The following IQSEC1 variants were observed in gnomAD, a reference collection of about 807,000 sequenced individuals.
IQSEC1 encodes the protein IQ motif and Sec7 domain ArfGEF 1.
IQSEC1 carries 31 observed loss-of-function variants against 91.0 expected under a neutral mutation model. That is an observed-to-expected ratio of 0.34 (90% CI 0.26 to 0.46). IQSEC1 has a LOEUF of 0.46. IQSEC1 is among the 20% of genes least tolerant of loss of function. The pLI is 1.00. For synonymous variants in IQSEC1, 699 were observed against 662.6 expected (o/e 1.05, Z -0.84); for missense variants, 1,388 against 1,575.6 (o/e 0.88, Z 2.02).
At position 12,900,734 on chromosome 3, in the gene IQSEC1, T is replaced by C. The variant is rs1694168453; in HGVS notation, c.*249A>G. On this transcript the variant is annotated 3_prime_UTR_variant, in exon 14 of 14. Transcript: ENST00000613206. ...GCTCACCGTTTCAAGGCTGATGGTG[T>C]CTGAGGCCCACCCATCCCTCAGACT... 5.7e-6 allele frequency: 8 copies of C among 1,413,000 alleles called. No individual in the cohort carries two copies. In the South Asian group the frequency reaches 7.5e-5, roughly 13 times the overall value. 87.5% of individuals were successfully genotyped at this position (1,413,000 alleles called of 1,614,324 possible). A position where few individuals can be genotyped will look rare whatever the true frequency, so the allele number is the denominator to read the frequency against.
At position 12,967,307 on chromosome 3, in the gene IQSEC1, C is replaced by A; in HGVS notation, c.24-25442G>T. The A allele has an allele frequency of 7.7e-7, 1 of 1,297,166 alleles. No homozygotes were observed. The highest frequency in any genetic ancestry group is 1.3e-5 in the South Asian group (1 of 75,528). 80.4% of individuals were successfully genotyped at this position (1,297,166 alleles called of 1,614,324 possible). A position where few individuals can be genotyped will look rare whatever the true frequency, so the allele number is the denominator to read the frequency against. On this transcript the variant is annotated intron_variant, in intron 1 of 13. Transcript: ENST00000613206. This position sits in a 1 kb window ranked among gnomAD's most constrained non-coding sequence, Gnocchi z 5.9. ...CCGGTCCCGACGGTCACCCGCACTC[C>A]CGCACAGGCATCCCCACAGCCTGCG... is the stretch of plus-strand genomic sequence containing the variant.
intron 1 of IQSEC1, among the ~76,000 whole-genome samples, chr3:13,054,791 G>A (rs1704816334): frequency 6.6e-6 from 1 of 152,218 alleles, no homozygotes; most frequent in African/African-American, 2.4e-5. Context: ...GTGTCACACG[G>A]TGGGACCCCA....
At chr3:13,166,863 G>C (rs887150078) in intron 1 of IQSEC1, among the ~76,000 whole-genome samples, 1 of 152,236 alleles carries the variant, frequency 6.6e-6, no homozygotes, top group Non-Finnish European at 1.5e-5. Context: ...GCAACACACA[G>C]TGGAGTCATC....
chr3:13,160,466 G>A (rs116317613), intron 2 of IQSEC1, among the ~76,000 whole-genome samples: 2 of 152,164 alleles, frequency 1.3e-5, no homozygotes, highest in African/African-American at 4.8e-5. Flanking sequence ...CTGCCCCTGT[G>A]TGTCCTTAAT....
chr3:12,955,293 C>G (rs1305681028), intron 1 of IQSEC1, among the ~76,000 whole-genome samples: 1 of 152,258 alleles, frequency 6.6e-6, no homozygotes, highest in Non-Finnish European at 1.5e-5. Flanking sequence ...TGCTTCAGCC[C>G]TGTGCCTACC....
intron 1 of IQSEC1, among the ~76,000 whole-genome samples, chr3:12,981,414 C>T (rs1559696221): frequency 6.6e-6 from 1 of 152,048 alleles, no homozygotes; most frequent in African/African-American, 2.4e-5. Flanking sequence ...ATATGTGAAA[C>T]TCTGGAATCG....
rs1472353017 is a variant in IQSEC1, at chr3:13,259,013, GCCCCTACCCTCTTT to G, written c.272+23684_272+23697del. Among the ~76,000 whole-genome samples the G allele has an allele frequency of 2.0e-5, 3 of 151,848 alleles. No individual in the cohort carries two copies. The highest frequency in any genetic ancestry group is 4.4e-5 in the Non-Finnish European group (3 of 67,976). On this transcript the variant is annotated intron_variant, in intron 1 of 15. Transcript: ENST00000648114. The surrounding 1 kb of genome is among the most constrained non-coding windows in gnomAD (Gnocchi z 4.6). ...CATCTTTCCCCTGGGCCTCAGCACA[GCCCCTACCCTCTTT>G]CCCTATAGTCTATCTCACACCATGG... is the stretch of plus-strand genomic sequence containing the variant.
intron 10 of IQSEC1, 76 bp downstream of exon 10, chr3:12,911,553 G>A: frequency 8.7e-7 from 1 of 1,153,324 alleles, no homozygotes; most frequent in South Asian, 1.2e-5. Flanking sequence ...CCGCGGTTCT[G>A]TCCTCGAAGC....
intron 1 of IQSEC1, among the ~76,000 whole-genome samples, chr3:12,952,096 A>C (rs561691041): frequency 2.0e-5 from 3 of 152,306 alleles, no homozygotes; most frequent in South Asian, 4.1e-4. Flanking sequence ...TCACCCCTAC[A>C]GGGCGTGGCG....
At position 13,155,740 on chromosome 3, in the gene IQSEC1, C is replaced by T. The variant is rs564488396; in HGVS notation, c.302+8364G>A. On this transcript the variant is annotated intron_variant, in intron 2 of 15. Coordinates refer to the IQSEC1 transcript ENST00000648114. ...CTCAGCAAATATCAGCAACAAAATT[C>T]AGTAGCCCAATAAAAGAATTCTGCA... Among the ~76,000 whole-genome samples the T allele has an allele frequency of 2.6e-5, 4 of 152,202 alleles. No homozygotes were observed. In the South Asian group the frequency reaches 8.3e-4, roughly 32 times the overall value.
Position 13,161,411 on chromosome 3 carries a change from G to C in IQSEC1, c.302+2693C>G, listed in dbSNP as rs72658712. ...ACTGCAGTCAGGATCCCAGGTTTGG[G>C]GACGCAGACCCCGCACGGACACTGC... On this transcript the variant is annotated intron_variant, in intron 2 of 15. Coordinates refer to the IQSEC1 transcript ENST00000648114. Among the ~76,000 whole-genome samples the C allele has an allele frequency of 4.9e-3, 742 of 152,314 alleles. 6 individuals are homozygous for C. The highest frequency in any genetic ancestry group is 0.017 in the African/African-American group (689 of 41,564).
At chr3:12,902,724 G>A in intron 13 of IQSEC1, 49 bp downstream of exon 13, 1 of 1,210,392 alleles carries the variant, frequency 8.3e-7, no homozygotes. Context: ...CTGAGGACTG[G>A]GGAAGGCGAC....
intron 1 of IQSEC1, chr3:12,986,873 C>T (rs1038900915): frequency 2.9e-5 from 8 of 279,556 alleles, no homozygotes; most frequent in Non-Finnish European, 5.2e-5. Flanking sequence ...ATCTCAGCTG[C>T]CCCAACAGAC....
chr3:13,054,038 C>T (rs1382093008), intron 1 of IQSEC1, among the ~76,000 whole-genome samples: 1 of 152,196 alleles, frequency 6.6e-6, no homozygotes, highest in Admixed American at 6.5e-5. Context: ...CACCGTCTCT[C>T]GAGTGTGTTT....
intron 2 of IQSEC1, among the ~76,000 whole-genome samples, chr3:13,081,445 C>G (rs551058573): frequency 3.9e-5 from 6 of 152,022 alleles, no homozygotes; most frequent in East Asian, 1.9e-4. Context: ...ATTTTTAAAT[C>G]GTTTATAGAG....
chr3:13,257,208 G>A lies in IQSEC1; in HGVS notation c.272+25503C>T, dbSNP rs1695303758. On this transcript the variant is annotated intron_variant, in intron 1 of 15. Coordinates refer to the IQSEC1 transcript ENST00000648114. Reference sequence around the variant, plus strand: ...CAGAGACACACCTCACAGCTCAGGGGCCTCAGGACGAACGTTTCCAAGTGG... The same window carrying A: ...CAGAGACACACCTCACAGCTCAGGGACCTCAGGACGAACGTTTCCAAGTGG... 2.6e-5 allele frequency among the ~76,000 whole-genome samples: 4 copies of A among 152,266 alleles called. No individual in the cohort carries two copies. In the South Asian group the frequency reaches 8.3e-4, roughly 32 times the overall value.
intron 13 of IQSEC1, 94 bp downstream of exon 13, chr3:12,902,679 A>AC: frequency 3.4e-5 from 21 of 616,668 alleles, no homozygotes; most frequent in Non-Finnish European, 5.4e-5. Context: ...CCAAAAAAAA[A>AC]AAAAAAAAAA....
rs79729288 is a variant in IQSEC1, at chr3:12,914,848, G to C, written c.2190+256C>G. Among the ~76,000 whole-genome samples the C allele has an allele frequency of 9.5e-3, 1,453 of 152,156 alleles. 29 individuals are homozygous for C. The highest frequency in any genetic ancestry group is 0.033 in the African/African-American group (1,367 of 41,482). On this transcript the variant is annotated intron_variant, in intron 8 of 13. Transcript: ENST00000613206. ...AGAGGACACACCGGGGTCTGTTTCA[G>C]GCGCAGGGTCTGGGGGCTGGGCTCA...
chr3:13,123,477 A>C (rs1020196385), intron 2 of IQSEC1, among the ~76,000 whole-genome samples: 1 of 152,192 alleles, frequency 6.6e-6, no homozygotes, highest in African/African-American at 2.4e-5. Context: ...GAGGTCTTAC[A>C]TGTGTATGTG....
Sources: allele counts gnomAD v4.1 joint callset (sites outside exome capture counted in the v4.1 genomes callset), GRCh38; gene constraint gnomAD v4.1.1; non-coding constraint Gnocchi (gnomAD v3.1); transcripts MANE v1.5; gene names NCBI Gene and HGNC (gene_info 2026-07-23, HGNC 2026-07-21).